The following ZNF273 variants were observed in gnomAD, a reference collection of about 807,000 sequenced individuals.
The protein encoded by ZNF273 is zinc finger protein 9.
ZNF273 carries 11 observed loss-of-function variants against 14.9 expected under a neutral mutation model. The observed-to-expected ratio is 0.74, with a 90% CI of 0.46 to 1.22. The LOEUF (loss-of-function observed/expected upper bound fraction) is 1.22. ZNF273 is among the 50% of genes most tolerant of loss of function. The pLI is 0.00. For synonymous variants in ZNF273, 199 were observed against 223.9 expected (o/e 0.89, Z 0.99); for missense variants, 577 against 660.6 (o/e 0.87, Z 1.39).
downstream of ZNF273, among the ~76,000 whole-genome samples, chr7:64,894,763 A>T (rs926789829): frequency 1.3e-5 from 2 of 152,164 alleles, no homozygotes; most frequent in Non-Finnish European, 2.9e-5. Context: ...ATGATTTTTA[A>T]CTACAGTGAT....
At chr7:64,893,821 G>C (rs112755177), downstream of ZNF273, 1 of 153,566 alleles carries the variant, frequency 6.5e-6, no homozygotes, top group African/African-American at 2.4e-5. Context: ...CCATCCCTAG[G>C]ACAGTAAATA....
intron 3 of ZNF273, among the ~76,000 whole-genome samples, chr7:64,925,638 C>T (rs972271892): frequency 1.3e-5 from 2 of 152,046 alleles, no homozygotes; most frequent in African/African-American, 2.4e-5. Flanking sequence ...CAGGGTTTCA[C>T]AATGTTGGCC....
chr7:64,934,308 G>T (rs1186971630), downstream of ZNF273, among the ~76,000 whole-genome samples: 2 of 151,736 alleles, frequency 1.3e-5, no homozygotes, highest in Non-Finnish European at 2.9e-5. Context: ...TTTTTCAACA[G>T]CTTTTTATTA....
chr7:64,918,528 G>A (rs1794177581), intron 3 of ZNF273, among the ~76,000 whole-genome samples: 1 of 151,986 alleles, frequency 6.6e-6, no homozygotes, highest in Non-Finnish European at 1.5e-5. Flanking sequence ...GGGCGTGGTG[G>A]CACATGCCTG....
chr7:64,936,166 A>G, the ZNF273 span, among the ~76,000 whole-genome samples: 6 of 152,348 alleles, frequency 3.9e-5, no homozygotes, highest in South Asian at 1.2e-3. Context: ...CACATGTAAA[A>G]ATTGAAAATT....
At chr7:64,904,110 CAG>C (rs1293952091) in intron 1 of ZNF273, among the ~76,000 whole-genome samples, 15 of 152,242 alleles carry the variant, frequency 9.9e-5, no homozygotes, top group Admixed American at 5.2e-4. Flanking sequence ...CTTTCTGAGA[CAG>C]AGTCTCACAC....
Position 64,886,391 on chromosome 7 carries a change from G to A in ZNF273, n.274-2182G>A, listed in dbSNP as rs554210831. The stretch of plus-strand genomic sequence containing the variant: ...AATGTAGGCATTTCTGCTGCATCTG[G>A]AAAGTAAGATAAGTGAGCTCACTGT... On this transcript the variant is annotated intron_variant and non_coding_transcript_variant, in intron 1 of 1. Transcript: ENST00000471926. Among the ~76,000 whole-genome samples, 12 of 152,330 alleles carry A rather than the reference G, an allele frequency of 7.9e-5. No individual in the cohort carries two copies. The South Asian group carries it at 2.3e-3, about 29-fold the overall frequency.
chr7:64,903,486 T>C (rs1792877375), intron 1 of ZNF273, 67 bp downstream of exon 1: 1 of 1,466,484 alleles, frequency 6.8e-7, no homozygotes, highest in Non-Finnish European at 9.5e-7. Flanking sequence ...GGGAAGTGGA[T>C]GTGGCGAGAC....
chr7:64,919,342 T>G (rs1285900053), intron 3 of ZNF273, among the ~76,000 whole-genome samples: 1 of 152,148 alleles, frequency 6.6e-6, no homozygotes, highest in South Asian at 2.1e-4. Context: ...TTAATTTTCT[T>G]CATTGTAAAG....
chr7:64,889,743 C>T (rs185011170), downstream of ZNF273: 10 of 985,900 alleles, frequency 1.0e-5, no homozygotes, highest in East Asian at 9.1e-4. This position sits in a 1 kb window ranked among gnomAD's most constrained non-coding sequence, Gnocchi z 4.2. Flanking sequence ...GCACCATCCA[C>T]GCTCAGCCCC....
intron 3 of ZNF273, among the ~76,000 whole-genome samples, chr7:64,925,845 A>G (rs1301945704): frequency 1.3e-5 from 2 of 150,840 alleles, no homozygotes; most frequent in Non-Finnish European, 3.0e-5. Flanking sequence ...AACAATTTCT[A>G]TGCTTTTATC....
At chr7:64,933,979 G>T (rs1584024001), downstream of ZNF273, among the ~76,000 whole-genome samples, 1 of 152,140 alleles carries the variant, frequency 6.6e-6, no homozygotes, top group East Asian at 1.9e-4. Flanking sequence ...GTGCTGTACA[G>T]AAAAATCTTT....
Position 64,887,338 on chromosome 7 carries a change from C to A in ZNF273, n.274-1235C>A, listed in dbSNP as rs139011860. Among the ~76,000 whole-genome samples the A allele has an allele frequency of 4.3e-4, 58 of 135,218 alleles. No individual in the cohort carries two copies. The East Asian group carries it at 9.9e-3, about 23-fold the overall frequency. The allele number at this position is 135,218 out of a possible 152,430, so 88.7% of individuals were successfully genotyped here. The stretch of plus-strand genomic sequence containing the variant: ...TTGCCCTTTGCATGTTCTCATCTGG[C>A]CTCATGATCATCTCCTTCCACGTGG... On this transcript the variant is annotated intron_variant and non_coding_transcript_variant, in intron 1 of 1. Transcript: ENST00000471926.
At chr7:64,924,151 A>G (rs758974822) in intron 3 of ZNF273, 1 of 150,742 alleles carries the variant, frequency 6.6e-6, no homozygotes, top group Non-Finnish European at 1.5e-5. Context: ...TTAGCTTTTA[A>G]TATTGTTTTA....
Position 64,927,637 on chromosome 7 carries a change from A to G in ZNF273, c.326-17A>G, listed in dbSNP as rs766759960. On this transcript the variant is annotated splice_polypyrimidine_tract_variant and intron_variant, in intron 3 of 3. Transcript: ENST00000476120. ...GAGTCTAGTAAGTGGGGTAATTGTT[A>G]CTTTTATTTCTTTCAGTTGTGTGTT... 6.5e-7 allele frequency: 1 copy of G among 1,538,324 alleles called. No homozygotes were observed. Among genetic ancestry groups the G allele is most frequent in the Non-Finnish European group, 8.7e-7 (1 of 1,148,694 alleles).
chr7:64,903,280 G>C lies in ZNF273; in HGVS notation c.-38G>C. Reference sequence around the variant, plus strand: ...GGATTTGGCGGGGCCTTTGTCTCTCGCTGCAGTCGCAGCTCCAGGTCTCGT... The same window carrying C: ...GGATTTGGCGGGGCCTTTGTCTCTCCCTGCAGTCGCAGCTCCAGGTCTCGT... On this transcript the variant is annotated 5_prime_UTR_variant, in exon 1 of 4. Coordinates refer to ENST00000476120, the MANE Select transcript of ZNF273 (RefSeq NM_021148.3). The C allele has an allele frequency of 1.3e-6, 2 of 1,542,258 alleles. No individual in the cohort carries two copies. The highest frequency in any genetic ancestry group is 1.8e-6 in the Non-Finnish European group (2 of 1,119,322).
chr7:64,889,671 C>G (rs1328159850), downstream of ZNF273: 4 of 985,354 alleles, frequency 4.1e-6, no homozygotes, highest in African/African-American at 7.0e-5. This position sits in a 1 kb window ranked among gnomAD's most constrained non-coding sequence, Gnocchi z 4.2. Flanking sequence ...GAACCGTCGC[C>G]CTGGGGCCCC....
intron 3 of ZNF273, among the ~76,000 whole-genome samples, chr7:64,895,146 A>C (rs1222595974): frequency 6.6e-6 from 1 of 152,190 alleles, no homozygotes; most frequent in Non-Finnish European, 1.5e-5. Flanking sequence ...CAAGAAAAAA[A>C]AAATTTGAAG....
intron 1 of ZNF273, among the ~76,000 whole-genome samples, chr7:64,909,625 A>T (rs1350340825): frequency 6.6e-6 from 1 of 150,422 alleles, no homozygotes; most frequent in Non-Finnish European, 1.5e-5. Context: ...TGCAATGAAC[A>T]TGCATTTGCA....
Sources: gnomAD v4.1 joint callset for allele counts (sites outside exome capture counted in the v4.1 genomes callset) on GRCh38, gnomAD v4.1.1 for gene constraint, Gnocchi (gnomAD v3.1) non-coding constraint, MANE v1.5 for transcripts, NCBI Gene and HGNC (gene_info 2026-07-23, HGNC 2026-07-21) for gene names.